Variants in NPAS3 observed in about 807,000 individuals in gnomAD.
NPAS3 encodes neuronal PAS domain protein 3, also known as neuronal PAS domain-containing protein 3.
In NPAS3, 14 loss-of-function variants were observed where a neutral mutation model predicts 73.1. The observed-to-expected ratio is 0.19, with a 90% confidence interval of 0.13 to 0.30. NPAS3 has a LOEUF of 0.30. Among genes scored for constraint, NPAS3 ranks in the 10% least tolerant of loss-of-function variants. NPAS3 has a pLI of 1.00. For missense variants in NPAS3, 1,096 were observed against 1,250.0 expected (o/e 0.88, Z 1.86); for synonymous variants, 620 against 541.5 (o/e 1.14, Z -2.01).
chr14:33,542,075 T>G (rs2139637809), intron 4 of NPAS3, among the ~76,000 whole-genome samples: 1 of 152,336 alleles, frequency 6.6e-6, no homozygotes, highest in East Asian at 1.9e-4. Flanking sequence ...ATGAAGTTAG[T>G]ATGAATGTAT....
chr14:33,362,829 C>T lies in NPAS3; in HGVS notation c.386-4357C>T, dbSNP rs1238967247. ...CCTCTGAAATGATGTTTCCTATCCA[C>T]CAGTGACTGCCTTGGCCTAATAAAA... On this transcript the variant is annotated intron_variant, in intron 3 of 11. Transcript: ENST00000356141. Among the ~76,000 whole-genome samples, 7 of 152,172 alleles carry T rather than the reference C, an allele frequency of 4.6e-5. No individual in the cohort carries two copies. In the East Asian group the frequency reaches 1.4e-3, roughly 29 times the overall value.
At chr14:33,753,113 C>G (rs79560288) in intron 7 of NPAS3, among the ~76,000 whole-genome samples, 4,748 of 152,070 alleles carry the variant, frequency 0.031, 233 homozygotes, top group African/African-American at 0.11. Context: ...TGTTAAAACA[C>G]TTTTACAAAA....
At position 33,438,227 on chromosome 14, in the gene NPAS3, A is replaced by G. The variant is rs551773552; in HGVS notation, c.468+70959A>G. 1.1e-4 allele frequency among the ~76,000 whole-genome samples: 17 copies of G among 152,358 alleles called. No individual in the cohort carries two copies. In the South Asian group the frequency reaches 2.7e-3, roughly 24 times the overall value. ...GTGGAATTCCTGGTGGTTACTGAGCATAGAAAAGATGACATGCATTGCAGT... is the reference window on the plus strand; with the variant it reads ...GTGGAATTCCTGGTGGTTACTGAGCGTAGAAAAGATGACATGCATTGCAGT... On this transcript the variant is annotated intron_variant, in intron 4 of 11. Coordinates refer to ENST00000356141, the Ensembl canonical transcript of NPAS3.
intron 4 of NPAS3, among the ~76,000 whole-genome samples, chr14:33,532,361 A>G (rs567422116): frequency 1.3e-5 from 2 of 152,166 alleles, no homozygotes; most frequent in East Asian, 3.9e-4. Context: ...TATTAATTAG[A>G]GATTAAATAT....
chr14:33,258,380 TGAAA>T (rs369440994), intron 3 of NPAS3, among the ~76,000 whole-genome samples: 5 of 151,938 alleles, frequency 3.3e-5, no homozygotes, highest in African/African-American at 1.2e-4. Context: ...CCAACCTGGG[TGAAA>T]GAAAGAGTGA....
intron 1 of NPAS3, among the ~76,000 whole-genome samples, chr14:32,999,468 A>T (rs575601974): frequency 6.6e-6 from 1 of 151,982 alleles, no homozygotes; most frequent in East Asian, 1.9e-4. Context: ...CAGAGATCAC[A>T]CCACTGCACT....
intron 3 of NPAS3, among the ~76,000 whole-genome samples, chr14:33,349,570 CATT>C (rs1166011645): frequency 4.0e-5 from 6 of 151,788 alleles, no homozygotes; most frequent in African/African-American, 7.3e-5. Flanking sequence ...TTTGCAGTAT[CATT>C]ATAGTTGTTT....
chr14:33,570,302 C>T (rs775754338), intron 5 of NPAS3, among the ~76,000 whole-genome samples: 2 of 152,172 alleles, frequency 1.3e-5, no homozygotes, highest in African/African-American at 4.8e-5. Flanking sequence ...GCAACTTGGT[C>T]ATCTGGAAGA....
intron 4 of NPAS3, among the ~76,000 whole-genome samples, chr14:33,480,354 C>T (rs1161975050): frequency 6.6e-6 from 1 of 152,162 alleles, no homozygotes; most frequent in East Asian, 1.9e-4. Flanking sequence ...AGGATTCAGT[C>T]ATGCGCTGCT....
chr14:33,305,415 C>A (rs1457717115), intron 3 of NPAS3, among the ~76,000 whole-genome samples: 2 of 152,038 alleles, frequency 1.3e-5, no homozygotes, highest in Non-Finnish European at 2.9e-5. Context: ...CTAGATAGGA[C>A]ATTCTCACCT....
At chr14:33,642,871 T>C (rs2058712001) in intron 5 of NPAS3, among the ~76,000 whole-genome samples, 1 of 152,186 alleles carries the variant, frequency 6.6e-6, no homozygotes, top group Non-Finnish European at 1.5e-5. Context: ...CTCACTGATC[T>C]CTTCTTTGTT....
At chr14:33,183,385 C>T (rs1046963027) in intron 2 of NPAS3, among the ~76,000 whole-genome samples, 2 of 141,262 alleles carry the variant, frequency 1.4e-5, no homozygotes, top group Non-Finnish European at 3.0e-5. Context: ...GAGATTACAC[C>T]AGTGCACTCC....
At chr14:33,100,713 G>T (rs148462745) in intron 2 of NPAS3, among the ~76,000 whole-genome samples, 1 of 152,062 alleles carries the variant, frequency 6.6e-6, no homozygotes, top group Admixed American at 6.6e-5. Flanking sequence ...AGTGCATATT[G>T]TCCCCTGATC....
intron 3 of NPAS3, among the ~76,000 whole-genome samples, chr14:33,355,646 A>G (rs2045306030): frequency 6.6e-6 from 1 of 152,110 alleles, no homozygotes; most frequent in Admixed American, 6.6e-5. Flanking sequence ...CAGTCTCTAA[A>G]TTCCTTGAGG....
At chr14:33,290,058 G>T (rs2042038954) in intron 3 of NPAS3, among the ~76,000 whole-genome samples, 1 of 152,022 alleles carries the variant, frequency 6.6e-6, no homozygotes, top group Admixed American at 6.6e-5. Flanking sequence ...CTGTTTCATG[G>T]CCAGTCCCAT....
chr14:33,118,364 C>A (rs1398228558), intron 2 of NPAS3, among the ~76,000 whole-genome samples: 8 of 151,980 alleles, frequency 5.3e-5, no homozygotes, highest in Admixed American at 5.2e-4. Flanking sequence ...GACACTATAA[C>A]AAAAGTCTAG....
intron 2 of NPAS3, among the ~76,000 whole-genome samples, chr14:33,165,519 A>G (rs941043435): frequency 6.6e-6 from 1 of 151,904 alleles, no homozygotes; most frequent in Non-Finnish European, 1.5e-5. Context: ...GAACTGTAAA[A>G]CTCAAAGCAT....
rs77034173 is a variant in NPAS3 at position 33,175,482 on chromosome 14, C to T, written c.141-39700C>T. 5.4e-3 allele frequency among the ~76,000 whole-genome samples: 820 copies of T among 152,090 alleles called. 4 individuals are homozygous for T. The highest frequency in any genetic ancestry group is 0.018 in the African/African-American group (733 of 41,498). On this transcript the variant is annotated intron_variant, in intron 2 of 11. Coordinates refer to ENST00000356141, the Ensembl canonical transcript of NPAS3. ...AAAAGGAAACAAAATAAAATGGAAG[C>T]GGTGTTTAAATGATTTTTATTCATA...
rs114609786 is a variant in NPAS3, at chr14:33,453,460, A to G, written c.468+86192A>G. 5.4e-3 allele frequency among the ~76,000 whole-genome samples: 824 copies of G among 152,268 alleles called. 8 individuals carry two copies. The highest frequency in any genetic ancestry group is 0.017 in the African/African-American group (695 of 41,560). On this transcript the variant is annotated intron_variant, in intron 4 of 11. Coordinates refer to ENST00000356141, the Ensembl canonical transcript of NPAS3. ...CTTTGTGGGTTTTTTGTCCTTCCCAATATTTCCTATTATTTAGTATCTAGA... is the reference window on the plus strand; with the variant it reads ...CTTTGTGGGTTTTTTGTCCTTCCCAGTATTTCCTATTATTTAGTATCTAGA...
Sources: gnomAD v4.1 joint callset for allele counts (sites outside exome capture counted in the v4.1 genomes callset) on GRCh38, gnomAD v4.1.1 for gene constraint, MANE v1.5 for transcripts, NCBI Gene and HGNC (gene_info 2026-07-23, HGNC 2026-07-21) for gene names.